MCMDC2: variants seen among roughly 807,000 people sequenced by gnomAD.
The protein encoded by MCMDC2 is minichromosome maintenance domain containing 2.
Under a neutral mutation model 75.8 loss-of-function variants are expected in MCMDC2, and 54 were observed. The ratio of observed to expected loss-of-function variants is 0.71; its 90% CI spans 0.57 to 0.89. The LOEUF is 0.89. MCMDC2 is among the 40% of genes least tolerant of loss of function. MCMDC2 has a pLI of 0.00. For missense variants in MCMDC2, 656 were observed against 780.4 expected, an observed-to-expected ratio of 0.84 and a Z score of 1.90; for synonymous variants, 249 against 274.6, an observed-to-expected ratio of 0.91 and a Z score of 0.92.
chr8:66,893,448 T>G (rs1812204798), intron 10 of MCMDC2, among the ~76,000 whole-genome samples: 1 of 152,212 alleles, frequency 6.6e-6, no homozygotes, highest in Admixed American at 6.5e-5. Context: ...AAGAGGTTTA[T>G]TAGACTTACA....
rs1585844194 is a variant in MCMDC2 at position 66,874,082 on chromosome 8, A to G, written c.-59A>G. ...TCACATCCTTTCTATGAGTTTCGCC[A>G]TCTATAGCTTTTATCAACAATTGTG... On this transcript the variant is annotated 5_prime_UTR_variant, in exon 2 of 15. Coordinates refer to ENST00000422365, the MANE Select transcript of MCMDC2 (RefSeq NM_173518.5). The G allele has an allele frequency of 8.1e-7, 1 of 1,232,030 alleles. No homozygotes were observed. 76.3% of individuals were successfully genotyped at this position (1,232,030 alleles called of 1,614,324 possible). A position where few individuals can be genotyped will look rare whatever the true frequency, so the allele number is the denominator to read the frequency against.
At chr8:66,893,391 C>T (rs936195574) in intron 10 of MCMDC2, among the ~76,000 whole-genome samples, 1 of 152,122 alleles carries the variant, frequency 6.6e-6, no homozygotes, top group Admixed American at 6.6e-5. Flanking sequence ...AGTCTGTTTT[C>T]ATGTTGCTGA....
At chr8:66,898,667 A>T (rs1056554037) in intron 12 of MCMDC2, among the ~76,000 whole-genome samples, 5 of 152,120 alleles carry the variant, frequency 3.3e-5, no homozygotes, top group Non-Finnish European at 5.9e-5. Context: ...GTTAAGGAAC[A>T]ATTTAAGTGC....
Position 66,920,977 on chromosome 8 carries a change from T to C in MCMDC2, c.*1808T>C, listed in dbSNP as rs918740957. The C allele has an allele frequency of 1.3e-5, 2 of 152,102 alleles. No individual in the cohort carries two copies. Among genetic ancestry groups the C allele is most frequent in the South Asian group, 4.1e-4 (2 of 4,828 alleles). The allele number at this position is 152,102 out of a possible 1,614,324, so 9.4% of individuals were successfully genotyped here. A position where few individuals can be genotyped will look rare whatever the true frequency, so the allele number is the denominator to read the frequency against. On this transcript the variant is annotated 3_prime_UTR_variant, in exon 15 of 15. Transcript: ENST00000422365. ...ACCATGCATGGCACAAAGATGGCTTTTATTTACTTATCTATATTTATATAT... is the reference window on the plus strand; with the variant it reads ...ACCATGCATGGCACAAAGATGGCTTCTATTTACTTATCTATATTTATATAT...
chr8:66,907,190 C>T (rs1233347789), intron 14 of MCMDC2, among the ~76,000 whole-genome samples: 5 of 152,194 alleles, frequency 3.3e-5, no homozygotes, highest in Admixed American at 6.5e-5. Context: ...TTTTAAGCCC[C>T]GCATGGTATT....
At chr8:66,886,724 G>A (rs1183537327) in intron 9 of MCMDC2, among the ~76,000 whole-genome samples, 3 of 151,088 alleles carry the variant, frequency 2.0e-5, no homozygotes, top group African/African-American at 7.3e-5. Context: ...GCAGTGAGTC[G>A]AGATAGTGCC....
chr8:66,902,807 A>AGAGAAAAGAACATTAT (rs1465849271), intron 13 of MCMDC2, among the ~76,000 whole-genome samples: 2 of 149,648 alleles, frequency 1.3e-5, no homozygotes, highest in East Asian at 3.9e-4. Context: ...TTTTTACTAT[A>AGAGAAAAGAACATTAT]GAGAAAAGAA....
chr8:66,907,821 C>T (rs1242918643), intron 14 of MCMDC2, among the ~76,000 whole-genome samples: 6 of 152,112 alleles, frequency 3.9e-5, no homozygotes. Context: ...TCTCTAATGA[C>T]TAGTGATGAT....
At chr8:66,908,136 T>C (rs1328022375) in intron 14 of MCMDC2, among the ~76,000 whole-genome samples, 1 of 152,228 alleles carries the variant, frequency 6.6e-6, no homozygotes, top group Non-Finnish European at 1.5e-5. Context: ...AGTCATGAAG[T>C]CTTTGCCCAT....
intron 9 of MCMDC2, 116 bp downstream of exon 9, chr8:66,884,110 A>T (rs1471690864): frequency 1.5e-6 from 1 of 652,790 alleles, no homozygotes; most frequent in Non-Finnish European, 2.6e-6. Context: ...CAGTATAAGT[A>T]TTTAAATCAA....
chr8:66,896,303 T>C lies in MCMDC2; in HGVS notation c.1413T>C (p.Asn471=). 6.2e-7 allele frequency: 1 copy of C among 1,609,608 alleles called. No individual in the cohort carries two copies. The highest frequency in any genetic ancestry group is 1.1e-5 in the South Asian group (1 of 89,570). ...FVDVDSSSRR[N]AQKINTLIGQ... Reference sequence around the variant, plus strand: ...ATGTGGATTCATCTTCAAGGAGAAATGCACAGAAAATCAACACTCTAATTG... The same window carrying C: ...ATGTGGATTCATCTTCAAGGAGAAACGCACAGAAAATCAACACTCTAATTG... Residue 471 remains asparagine (N), a synonymous_variant, in exon 11 of 15, where the codon AAT becomes AAC. Coordinates refer to ENST00000422365, the MANE Select transcript of MCMDC2 (RefSeq NM_173518.5).
intron 10 of MCMDC2, among the ~76,000 whole-genome samples, chr8:66,893,374 G>A (rs971643153): frequency 7.9e-5 from 12 of 152,088 alleles, no homozygotes; most frequent in Admixed American, 2.6e-4. Context: ...CAAAATGAGG[G>A]TGTATTAGTC....
intron 13 of MCMDC2, among the ~76,000 whole-genome samples, chr8:66,902,714 ATATATATATATAT>A (rs1812748081): frequency 9.8e-6 from 1 of 102,094 alleles, no homozygotes; most frequent in East Asian, 2.9e-4. Context: ...AAAAAAAAAT[ATATATATATATAT>A]ATATATATAT....
intron 13 of MCMDC2, 61 bp from the exon 14 acceptor site, chr8:66,905,165 A>G: frequency 1.6e-6 from 2 of 1,273,014 alleles, no homozygotes; most frequent in Non-Finnish European, 2.0e-6. Flanking sequence ...TGTTCCTGCC[A>G]AAATATATAT....
chr8:66,926,211 A>G (rs1028317525), downstream of MCMDC2: 1 of 152,094 alleles, frequency 6.6e-6, no homozygotes, highest in Non-Finnish European at 1.5e-5. Flanking sequence ...GTTTATGAAC[A>G]TGTTATAATT....
At chr8:66,918,951 T>C (rs1384694673) in intron 14 of MCMDC2, 52 bp from the exon 15 acceptor site, 1 of 1,320,598 alleles carries the variant, frequency 7.6e-7, no homozygotes, top group Non-Finnish European at 9.9e-7. Flanking sequence ...ATTTCATACT[T>C]GTCATTTTAA....
At chr8:66,911,161 A>G (rs1813105151) in intron 14 of MCMDC2, among the ~76,000 whole-genome samples, 1 of 152,220 alleles carries the variant, frequency 6.6e-6, no homozygotes, top group Non-Finnish European at 1.5e-5. Flanking sequence ...GTCCTCACCC[A>G]AACTTCATCT....
intron 7 of MCMDC2, among the ~76,000 whole-genome samples, chr8:66,879,529 G>C (rs1164546908): frequency 6.6e-6 from 1 of 152,124 alleles, no homozygotes; most frequent in Non-Finnish European, 1.5e-5. Context: ...GGAGGCAGAG[G>C]CTGCAGTGAG....
chr8:66,903,989 G>C (rs1177315862), intron 13 of MCMDC2, among the ~76,000 whole-genome samples: 1 of 152,112 alleles, frequency 6.6e-6, no homozygotes, highest in Non-Finnish European at 1.5e-5. Flanking sequence ...GTGAATTGAT[G>C]AGAAAATGGT....
Sources: gnomAD v4.1 joint callset for allele counts (sites outside exome capture counted in the v4.1 genomes callset) on GRCh38, gnomAD v4.1.1 for gene constraint, MANE v1.5 for transcripts, NCBI Gene and HGNC (gene_info 2026-07-23, HGNC 2026-07-21) for gene names.